The following ACOXL variants were observed in gnomAD, a reference collection of about 807,000 sequenced individuals.
ACOXL encodes the protein acyl-CoA oxidase like, also known as acyl-coenzyme A oxidase-like protein.
In ACOXL, 70 loss-of-function variants were observed where a neutral mutation model predicts 71.9. The ratio of observed to expected loss-of-function variants is 0.97; its 90% confidence interval spans 0.80 to 1.19. ACOXL has a LOEUF of 1.19. ACOXL is among the 50% of genes most tolerant of loss of function. The pLI is 0.00. For missense variants in ACOXL, 703 were observed against 736.3 expected (o/e 0.95, Z 0.52); for synonymous variants, 253 against 281.6 (o/e 0.90, Z 1.02).
At chr2:110,970,626 A>G (rs2062143497) in intron 12 of ACOXL, among the ~76,000 whole-genome samples, 1 of 152,200 alleles carries the variant, frequency 6.6e-6, no homozygotes, top group African/African-American at 2.4e-5. Flanking sequence ...TAGCAGTGCA[A>G]TAAGGCAATA....
chr2:110,938,677 TTGAA>T lies in ACOXL; in HGVS notation c.1059+5056_1059+5059del, dbSNP rs200189089. Among the ~76,000 whole-genome samples, 1,356 of 151,980 alleles carry T rather than the reference TTGAA, an allele frequency of 8.9e-3. 10 individuals carry two copies. Among genetic ancestry groups the T allele is most frequent in the Non-Finnish European group, 0.013 (915 of 67,948 alleles). On this transcript the variant is annotated intron_variant, in intron 12 of 17. Coordinates refer to ENST00000439055, the MANE Select transcript of ACOXL (RefSeq NM_001142807.4). ...ACAGATAGACTGATGTGCACAGACATTGAATGAATGAATGAATGAATGAACGAAT... is the reference window on the plus strand; with the variant it reads ...ACAGATAGACTGATGTGCACAGACATTGAATGAATGAATGAATGAACGAAT...
intron 10 of ACOXL, among the ~76,000 whole-genome samples, chr2:110,849,361 A>G (rs1692313611): frequency 6.6e-6 from 1 of 152,252 alleles, no homozygotes; most frequent in South Asian, 2.1e-4. Context: ...AGACTAAGAC[A>G]TCCACATGAA....
chr2:110,936,341 C>T (rs1440383631), intron 12 of ACOXL, among the ~76,000 whole-genome samples: 3 of 152,152 alleles, frequency 2.0e-5, no homozygotes, highest in Non-Finnish European at 4.4e-5. Context: ...TCACAGCTCA[C>T]TGTAGCCTTG....
chr2:110,872,999 T>C (rs1044144933), intron 10 of ACOXL, among the ~76,000 whole-genome samples: 6 of 152,196 alleles, frequency 3.9e-5, no homozygotes, highest in Non-Finnish European at 4.4e-5. Flanking sequence ...GTAGCATTTC[T>C]ATTTTGTTTT....
intron 9 of ACOXL, among the ~76,000 whole-genome samples, chr2:110,807,001 TG>T (rs1405500250): frequency 6.6e-6 from 1 of 152,046 alleles, no homozygotes; most frequent in Admixed American, 6.5e-5. Flanking sequence ...GGAGCCACAG[TG>T]GGTGATTCCT....
chr2:110,914,928 G>A (rs1315772226), intron 11 of ACOXL, among the ~76,000 whole-genome samples: 1 of 152,150 alleles, frequency 6.6e-6, no homozygotes, highest in Non-Finnish European at 1.5e-5. Flanking sequence ...ATGCAGACAT[G>A]CAATTTGAAA....
At chr2:111,117,517 C>A in intron 17 of ACOXL, 99 bp from the exon 18 acceptor site, 1 of 1,258,184 alleles carries the variant, frequency 7.9e-7, no homozygotes, top group South Asian at 1.3e-5. Context: ...TTTCCGGGGC[C>A]GCTGTGTGTG....
At chr2:111,086,240 C>T (rs564262057) in intron 16 of ACOXL, among the ~76,000 whole-genome samples, 1 of 152,256 alleles carries the variant, frequency 6.6e-6, no homozygotes, top group Admixed American at 6.5e-5. Flanking sequence ...GATACCAAAG[C>T]CTGGCAGGGA....
intron 12 of ACOXL, chr2:110,967,996 C>A: frequency 1.0e-6 from 1 of 959,486 alleles, no homozygotes; most frequent in Non-Finnish European, 1.7e-6. Context: ...AGTAGTTCAT[C>A]TAACCAACAG....
rs754979550 is a variant in ACOXL, at chr2:110,987,217, G to T, written c.1169G>T (p.Ser390Ile). The T allele has an allele frequency of 6.4e-7, 1 of 1,567,016 alleles. No individual in the cohort carries two copies. Among genetic ancestry groups the T allele is most frequent in the Middle Eastern group, 1.7e-4 (1 of 6,010 alleles). The change falls in exon 13 of 18, where the codon AGT (serine) becomes ATT (isoleucine). Residue 390 changes from serine to isoleucine, a missense_variant and splice_region_variant. Ser to Ile is a moderately radical substitution (Grantham distance 142). Coordinates refer to ENST00000439055, the MANE Select transcript of ACOXL (RefSeq NM_001142807.4). ...AESVGDKLRT[S>I]FLAFNMDTVD... is the part of the protein sequence containing the mutation. ...TCTGTGGGGGACAAGCTGAGAACCA[G>T]GTACGTATTACTCAGGCCATCATCA... is the stretch of plus-strand genomic sequence containing the variant.
chr2:111,065,388 A>G lies in ACOXL; in HGVS notation c.1440+16100A>G, dbSNP rs539278194. 2.6e-5 allele frequency among the ~76,000 whole-genome samples: 4 copies of G among 152,396 alleles called. No individual in the cohort carries two copies. In the South Asian group the frequency reaches 8.3e-4, roughly 32 times the overall value. ...AAATAGATCATGGACTTAAATGTAC[A>G]TAAAATGTAACACTGCAAAAACTTT... On this transcript the variant is annotated intron_variant, in intron 16 of 17. Transcript: ENST00000439055.
chr2:110,843,666 C>G (rs2105775047), intron 10 of ACOXL, among the ~76,000 whole-genome samples: 1 of 152,320 alleles, frequency 6.6e-6, no homozygotes, highest in Non-Finnish European at 1.5e-5. Flanking sequence ...TGTACATGAG[C>G]TTGCCTCTTT....
intron 9 of ACOXL, among the ~76,000 whole-genome samples, chr2:110,835,549 C>G (rs1199666457): frequency 2.0e-5 from 3 of 152,318 alleles, no homozygotes; most frequent in Non-Finnish European, 2.9e-5. Context: ...CTCCCGTGAG[C>G]ACCAGGAGGC....
intron 12 of ACOXL, among the ~76,000 whole-genome samples, chr2:110,947,177 C>T (rs772528832): frequency 6.6e-5 from 10 of 152,224 alleles, no homozygotes; most frequent in Non-Finnish European, 1.3e-4. Flanking sequence ...CTGGCAGTTT[C>T]GCTTCGTTTC....
At chr2:110,777,065 A>G (rs1423105025) in intron 2 of ACOXL, among the ~76,000 whole-genome samples, 5 of 152,114 alleles carry the variant, frequency 3.3e-5, no homozygotes, top group Admixed American at 6.5e-5. Flanking sequence ...AACTAGAAGG[A>G]TAGGGTCACC....
chr2:110,774,661 T>C (rs2105061399), intron 2 of ACOXL, among the ~76,000 whole-genome samples: 1 of 152,286 alleles, frequency 6.6e-6, no homozygotes, highest in East Asian at 1.9e-4. Flanking sequence ...TTGCTGAAAG[T>C]AATAAAAGGA....
chr2:110,981,588 A>C (rs1392577874), intron 12 of ACOXL, among the ~76,000 whole-genome samples: 1 of 152,262 alleles, frequency 6.6e-6, no homozygotes. Flanking sequence ...ATGCTCAAAG[A>C]AAATGAGTAG....
intron 2 of ACOXL, among the ~76,000 whole-genome samples, chr2:110,776,325 A>C (rs1319803698): frequency 1.3e-5 from 2 of 152,172 alleles, no homozygotes; most frequent in African/African-American, 4.8e-5. Context: ...AAGATTAAGA[A>C]GTTCTGGAGA....
chr2:110,924,219 C>T (rs1160653987), intron 11 of ACOXL, among the ~76,000 whole-genome samples: 28 of 152,178 alleles, frequency 1.8e-4, no homozygotes, highest in Admixed American at 1.8e-3. Context: ...ACTCTTTTTG[C>T]TAGTGGAGGG....
Sources: allele counts gnomAD v4.1 joint callset (sites outside exome capture counted in the v4.1 genomes callset), GRCh38; gene constraint gnomAD v4.1.1; transcripts MANE v1.5; gene names NCBI Gene and HGNC (gene_info 2026-07-23, HGNC 2026-07-21).